ACAP2: variants seen among roughly 807,000 people sequenced by gnomAD.
ACAP2 encodes the protein arf-GAP with coiled-coil, ANK repeat and PH domain-containing protein 2.
A neutral mutation model predicts 115.8 loss-of-function variants in ACAP2; 39 were observed. That is an observed-to-expected ratio of 0.34 (90% CI 0.26 to 0.44). The LOEUF is 0.44. Among genes scored for constraint, ACAP2 ranks in the 20% least tolerant of loss-of-function variants. The pLI is 1.00. For synonymous variants in ACAP2, 289 were observed against 315.8 expected (o/e 0.92, Z 0.90); for missense variants, 662 against 927.6 (o/e 0.71, Z 3.72).
At chr3:195,398,193 G>A (rs1711964562) in intron 1 of ACAP2, among the ~76,000 whole-genome samples, 1 of 152,216 alleles carries the variant, frequency 6.6e-6, no homozygotes, top group African/African-American at 2.4e-5. Context: ...GGTTATCAAG[G>A]AAGGTTCTAT....
intron 22 of ACAP2, chr3:195,282,039 T>C (rs922417938): frequency 1.3e-5 from 2 of 152,156 alleles, no homozygotes; most frequent in African/African-American, 4.8e-5. Context: ...GGAAGAAGGG[T>C]CTAGCAGACG....
chr3:195,328,369 A>T (rs1355835711), intron 8 of ACAP2, among the ~76,000 whole-genome samples: 1 of 152,164 alleles, frequency 6.6e-6, no homozygotes, highest in Non-Finnish European at 1.5e-5. Flanking sequence ...TTTTCTACAG[A>T]AGAATAATTC....
In ACAP2 at chr3:195,302,143, C is replaced by T; in HGVS notation, c.1148G>A (p.Gly383Glu). Residue 383 changes from glycine to glutamate, a missense_variant, in exon 14 of 23, where the codon GGA becomes GAA. This residue lies in a region of ACAP2 where 401 missense variants were observed against 604.4 expected (regional missense o/e 0.66). Coordinates refer to ENST00000326793, the MANE Select transcript of ACAP2 (RefSeq NM_012287.6). ...KLDKKSSPST[G>E]SLDSGNESKE... ...GGACTCATTTCCAGAATCTAGGCTT[C>T]CTGTGGATGGAGATGATTTCTTATC... 3 of 1,613,734 alleles carry T rather than the reference C, an allele frequency of 1.9e-6. No individual in the cohort carries two copies. The highest frequency in any genetic ancestry group is 2.5e-6 in the Non-Finnish European group (3 of 1,179,944).
chr3:195,310,693 A>G (rs775519898), intron 10 of ACAP2, among the ~76,000 whole-genome samples: 9 of 152,222 alleles, frequency 5.9e-5, no homozygotes, highest in Non-Finnish European at 1.3e-4. Flanking sequence ...TCTTCTAAAA[A>G]TAGTATTAAA....
rs1728483351 is a variant in ACAP2 at position 195,307,257 on chromosome 3, G to A, written c.976C>T (p.Arg326Ter). The change falls in exon 12 of 23, where the codon CGA becomes TGA. Residue 326 changes from arginine (R) to a stop codon, truncating the protein, a stop_gained. Transcript: ENST00000326793. LOFTEE classifies it high-confidence loss of function. ...CTVKHCEDIE[R>*]RFCFEVVSPT... ...GAGACCACCTCAAAGCAGAATCGTC[G>A]CTCTATGTCTTCACAATGTTTCACT... 6.2e-7 allele frequency: 1 copy of A among 1,613,384 alleles called. No individual in the cohort carries two copies. Among genetic ancestry groups the A allele is most frequent in the Non-Finnish European group, 8.5e-7 (1 of 1,179,568 alleles).
At chr3:195,406,562 C>T (rs891137198) in intron 1 of ACAP2, among the ~76,000 whole-genome samples, 1 of 152,146 alleles carries the variant, frequency 6.6e-6, no homozygotes, top group African/African-American at 2.4e-5. Context: ...AAAATCCCGG[C>T]CTCAAGTGAT....
At chr3:195,364,751 T>C (rs1732599995) in intron 4 of ACAP2, among the ~76,000 whole-genome samples, 1 of 152,142 alleles carries the variant, frequency 6.6e-6, no homozygotes, top group African/African-American at 2.4e-5. Flanking sequence ...GGAGCTACCA[T>C]ACCATCCAGC....
intron 4 of ACAP2, among the ~76,000 whole-genome samples, chr3:195,374,500 A>T (rs1322492007): frequency 2.0e-5 from 3 of 152,232 alleles, no homozygotes; most frequent in African/African-American, 7.2e-5. Context: ...ACTACAACTT[A>T]AGAAGATGAA....
At chr3:195,318,434 C>T (rs539439274) in intron 10 of ACAP2, among the ~76,000 whole-genome samples, 1 of 152,162 alleles carries the variant, frequency 6.6e-6, no homozygotes, top group Non-Finnish European at 1.5e-5. Context: ...TGCTTTTGAC[C>T]AAAATGCTGA....
Position 195,302,132 on chromosome 3 carries a change from A to G in ACAP2, c.1159T>C (p.Ser387Pro). 1 of 1,614,102 alleles carries G rather than the reference A, an allele frequency of 6.2e-7. No individual in the cohort carries two copies. The highest frequency in any genetic ancestry group is 8.5e-7 in the Non-Finnish European group (1 of 1,180,034). ...KSSPSTGSLD[S>P]GNESKEKLLK... is the part of the protein sequence containing the mutation. Reference sequence around the variant, plus strand: ...AATTTCTCTTTGGACTCATTTCCAGAATCTAGGCTTCCTGTGGATGGAGAT... The same window carrying G: ...AATTTCTCTTTGGACTCATTTCCAGGATCTAGGCTTCCTGTGGATGGAGAT... The change falls in exon 14 of 23, where the codon TCT (serine) becomes CCT (proline). Residue 387 changes from serine to proline, a missense_variant. Ser to Pro is a moderately conservative substitution (Grantham distance 74). Transcript: ENST00000326793.
At chr3:195,301,375 C>T (rs111549631) in intron 15 of ACAP2, among the ~76,000 whole-genome samples, 200 bp downstream of exon 15, 2,032 of 152,194 alleles carry the variant, frequency 0.013, 33 homozygotes, top group African/African-American at 0.043. Flanking sequence ...CGTGAGCCAC[C>T]GCACCCAGCC....
Position 195,337,003 on chromosome 3 carries a change from AC to A in ACAP2, c.529-28del, listed in dbSNP as rs766868724. 1.2e-5 allele frequency: 19 copies of A among 1,593,560 alleles called. No individual in the cohort carries two copies. The Admixed American group carries it at 3.4e-4, about 28-fold the overall frequency. ...TGAGGGAAAACACACGTGGTTAATC[AC>A]CCATGCATTATTTTAAAGCTAATCC... On this transcript the variant is annotated intron_variant, in intron 6 of 22. Transcript: ENST00000326793.
At chr3:195,436,529 A>G (rs1309165304) in intron 1 of ACAP2, among the ~76,000 whole-genome samples, 1 of 152,148 alleles carries the variant, frequency 6.6e-6, no homozygotes, top group African/African-American at 2.4e-5. Context: ...TACTGTTTGC[A>G]TGGTTTGTCT....
chr3:195,409,471 T>C (rs777576974), intron 1 of ACAP2, among the ~76,000 whole-genome samples: 3 of 151,968 alleles, frequency 2.0e-5, no homozygotes, highest in Non-Finnish European at 2.9e-5. Context: ...TGGAAACATA[T>C]CCCATGTTAA....
chr3:195,311,727 G>C (rs147213675), intron 10 of ACAP2, among the ~76,000 whole-genome samples: 1 of 150,440 alleles, frequency 6.6e-6, no homozygotes, highest in South Asian at 2.1e-4. Flanking sequence ...AGTAGAGACG[G>C]GGTTTCGCCA....
intron 10 of ACAP2, among the ~76,000 whole-genome samples, chr3:195,319,371 C>G (rs1273208211): frequency 1.3e-5 from 2 of 152,162 alleles, no homozygotes; most frequent in Non-Finnish European, 2.9e-5. Flanking sequence ...TCCTCCAGAC[C>G]CCAGAAGGGT....
intron 21 of ACAP2, among the ~76,000 whole-genome samples, chr3:195,287,807 TAAAG>T (rs1037735941): frequency 1.2e-4 from 18 of 152,042 alleles, no homozygotes; most frequent in African/African-American, 4.1e-4. Context: ...TACAAAGAGA[TAAAG>T]AAACCATTTT....
intron 10 of ACAP2, among the ~76,000 whole-genome samples, chr3:195,310,134 T>C (rs1189167834): frequency 2.8e-5 from 3 of 105,776 alleles, no homozygotes; most frequent in Non-Finnish European, 6.1e-5. Context: ...AGAATTTCTA[T>C]TTTTAAAAAT....
At chr3:195,315,055 CCAG>C (rs1352565403) in intron 10 of ACAP2, among the ~76,000 whole-genome samples, 1 of 152,240 alleles carries the variant, frequency 6.6e-6, no homozygotes, top group African/African-American at 2.4e-5. Context: ...TCTCCGTCAC[CCAG>C]GCTGGAGTGC....
Sources: allele counts gnomAD v4.1 joint callset (sites outside exome capture counted in the v4.1 genomes callset), GRCh38; gene constraint gnomAD v4.1.1; regional missense constraint gnomAD v4.1.1; transcripts MANE v1.5; gene names NCBI Gene and HGNC (gene_info 2026-07-23, HGNC 2026-07-21).